The following ZNF684 variants were observed in gnomAD, a reference collection of about 807,000 sequenced individuals.
ZNF684 encodes the protein zinc finger protein 684.
A neutral mutation model predicts 12.8 loss-of-function variants in ZNF684; 13 were observed. That is an observed-to-expected ratio of 1.02 (90% confidence interval 0.66 to 1.62). ZNF684 has a LOEUF of 1.62. Among genes scored for constraint, ZNF684 ranks in the 40% most tolerant of loss-of-function variants. The pLI, the probability that ZNF684 is intolerant of heterozygous loss-of-function variation, is 0.00. For synonymous variants in ZNF684, 118 were observed against 151.8 expected, an observed-to-expected ratio of 0.78 and a Z score of 1.64; for missense variants, 384 against 446.9, an observed-to-expected ratio of 0.86 and a Z score of 1.27.
chr1:40,534,644 T>G (rs1468111183), intron 2 of ZNF684, among the ~76,000 whole-genome samples: 2 of 152,130 alleles, frequency 1.3e-5, no homozygotes, highest in Non-Finnish European at 2.9e-5. Context: ...GAGAATGAGG[T>G]AGGCCTTTTT....
rs1447317978 is a variant in ZNF684 at position 40,534,263 on chromosome 1, CAG to C, written c.15+1085_15+1086del. ...TTTTTTTTTTTTTTTTTTTTTGAGA[CAG>C]AGTTTCACTCTGTTACCCAGGCTGG... On this transcript the variant is annotated intron_variant, in intron 2 of 4. Coordinates refer to ENST00000372699, the MANE Select transcript of ZNF684 (RefSeq NM_152373.4). Among the ~76,000 whole-genome samples, 97 of 108,668 alleles carry C rather than the reference CAG, an allele frequency of 8.9e-4. 1 individual carries two copies. Among genetic ancestry groups the C allele is most frequent in the Middle Eastern group, 8.6e-3 (1 of 116 alleles). 71.3% of individuals were successfully genotyped at this position (108,668 alleles called of 152,430 possible). A position where few individuals can be genotyped will look rare whatever the true frequency, so the allele number is the denominator to read the frequency against.
intron 2 of ZNF684, among the ~76,000 whole-genome samples, chr1:40,538,126 G>A (rs941100801): frequency 1.3e-5 from 2 of 151,894 alleles, no homozygotes; most frequent in African/African-American, 4.8e-5. Flanking sequence ...CAAGTAGCTG[G>A]GACTACAGGT....
chr1:40,545,894 C>G, intron 4 of ZNF684, among the ~76,000 whole-genome samples: 1 of 150,374 alleles, frequency 6.7e-6, no homozygotes, highest in East Asian at 1.9e-4. Flanking sequence ...TCCCTTAATC[C>G]CTTTGCCTTT....
Position 40,547,464 on chromosome 1 carries a change from T to C in ZNF684, c.*4T>C, listed in dbSNP as rs767635878. The C allele has an allele frequency of 1.3e-6, 2 of 1,589,658 alleles. No homozygotes were observed. Among genetic ancestry groups the C allele is most frequent in the Non-Finnish European group, 1.7e-6 (2 of 1,167,476 alleles). ...ACATCAGAAAATTCATACATAATAT[T>C]CACTTTATGAATATGAGAAGGCCTT... On this transcript the variant is annotated 3_prime_UTR_variant, in exon 5 of 5. Coordinates refer to ENST00000372699, the MANE Select transcript of ZNF684 (RefSeq NM_152373.4).
intron 2 of ZNF684, among the ~76,000 whole-genome samples, chr1:40,537,197 A>AT (rs1645990383): frequency 6.6e-6 from 1 of 152,220 alleles, no homozygotes; most frequent in East Asian, 1.9e-4. Context: ...CTTTTTAATG[A>AT]TTGCCATTCT....
chr1:40,535,773 A>ATC (rs1645980658), intron 2 of ZNF684, among the ~76,000 whole-genome samples: 2 of 152,270 alleles, frequency 1.3e-5, no homozygotes, highest in South Asian at 4.1e-4. Flanking sequence ...GTACTGAACT[A>ATC]TCTATACATT....
Position 40,538,886 on chromosome 1 carries a change from A to G in ZNF684, c.16-1700A>G, listed in dbSNP as rs553698429. Among the ~76,000 whole-genome samples the G allele has an allele frequency of 2.6e-5, 4 of 151,674 alleles. No homozygotes were observed. The East Asian group carries it at 5.9e-4, about 22-fold the overall frequency. ...CTGCTAAACTCTTTTCCATAGTTAC[A>G]TGGAACTGCGTATGGAACTATGGAT... On this transcript the variant is annotated intron_variant, in intron 2 of 4. Coordinates refer to ENST00000372699, the MANE Select transcript of ZNF684 (RefSeq NM_152373.4).
chr1:40,546,361 A>G (rs151307746), intron 4 of ZNF684, among the ~76,000 whole-genome samples: 1 of 152,192 alleles, frequency 6.6e-6, no homozygotes, highest in Non-Finnish European at 1.5e-5. Context: ...TGCCTAATTT[A>G]CTGTCTTTCC....
chr1:40,546,908 C>G lies in ZNF684; in HGVS notation c.585C>G (p.Ala195=), dbSNP rs753070525. 3.0e-5 allele frequency: 49 copies of G among 1,613,928 alleles called. No individual in the cohort carries two copies. In the African/African-American group the frequency reaches 5.5e-4, roughly 18 times the overall value. ...TTGAATGCAATGACTGTGGAAAAGCCTATAGCAGGAAGGCACACCTTGCAA... is the reference window on the plus strand; with the variant it reads ...TTGAATGCAATGACTGTGGAAAAGCGTATAGCAGGAAGGCACACCTTGCAA... ...KPFECNDCGK[A]YSRKAHLATH... Residue 195 remains alanine (A), a synonymous_variant, in exon 5 of 5, where the codon GCC becomes GCG. Coordinates refer to ENST00000372699, the MANE Select transcript of ZNF684 (RefSeq NM_152373.4).
chr1:40,544,313 T>C (rs1377127100), intron 4 of ZNF684: 7 of 345,322 alleles, frequency 2.0e-5, no homozygotes, highest in South Asian at 6.5e-5. Flanking sequence ...TCCCTGGTGG[T>C]TTAGTGGTTA....
chr1:40,534,257 T>G (rs990399048), intron 2 of ZNF684, among the ~76,000 whole-genome samples: 2 of 148,040 alleles, frequency 1.4e-5, no homozygotes, highest in Admixed American at 1.3e-4. Flanking sequence ...TTTTTTTTTT[T>G]TGAGACAGAG....
At chr1:40,536,395 CAAA>C (rs1166958237) in intron 2 of ZNF684, among the ~76,000 whole-genome samples, 1 of 52,034 alleles carries the variant, frequency 1.9e-5, no homozygotes, top group Non-Finnish European at 4.1e-5. Context: ...CTCCGTCTCA[CAAA>C]AAAAAAAAAA....
Position 40,547,154 on chromosome 1 carries a change from G to GA in ZNF684, c.835dup (p.Thr279AsnfsTer5). 1.9e-6 allele frequency: 3 copies of GA among 1,614,192 alleles called. No individual in the cohort carries two copies. The highest frequency in any genetic ancestry group is 2.5e-6 in the Non-Finnish European group (3 of 1,180,038). Reference sequence around the variant, plus strand: ...AGTCATTTGAATGTAAGGAATGTGGGAAAACCTTCAGGTATAGTTCATCCC... The same window carrying GA: ...AGTCATTTGAATGTAAGGAATGTGGGAAAAACCTTCAGGTATAGTTCATCCC... On this transcript the variant is annotated frameshift_variant, in exon 5 of 5. Coordinates refer to ENST00000372699, the MANE Select transcript of ZNF684 (RefSeq NM_152373.4). LOFTEE classifies it low-confidence loss of function (END_TRUNC).
intron 2 of ZNF684, among the ~76,000 whole-genome samples, chr1:40,536,944 T>G (rs952352106): frequency 6.6e-6 from 1 of 151,696 alleles, no homozygotes; most frequent in African/African-American, 2.4e-5. Context: ...TCCAAGTCTT[T>G]GCTATTGTGA....
rs1646056902 is a variant in ZNF684, at chr1:40,547,650, A to G, written c.*190A>G. The G allele has an allele frequency of 4.1e-6, 2 of 486,046 alleles. No individual in the cohort carries two copies. The highest frequency in any genetic ancestry group is 1.9e-5 in the African/African-American group (1 of 51,360). 30.1% of individuals were successfully genotyped at this position (486,046 alleles called of 1,614,324 possible). On this transcript the variant is annotated 3_prime_UTR_variant, in exon 5 of 5. Coordinates refer to ENST00000372699, the MANE Select transcript of ZNF684 (RefSeq NM_152373.4). ...TTTACAGAAAATATGACAGAAAACA[A>G]CTATAAATAATAGAGCATAAAGCTT... is the stretch of plus-strand genomic sequence containing the variant.
chr1:40,533,313 A>G, intron 2 of ZNF684, 132 bp downstream of exon 2: 1 of 909,686 alleles, frequency 1.1e-6, no homozygotes, highest in Non-Finnish European at 1.7e-6. Flanking sequence ...GAAGATTGGT[A>G]AGTTGATATT....
At chr1:40,533,068 G>A in intron 1 of ZNF684, 75 bp from the exon 2 acceptor site, 2 of 1,260,212 alleles carry the variant, frequency 1.6e-6, no homozygotes, top group South Asian at 2.5e-5. Context: ...TGGTCTGATA[G>A]AGCAGGGTTC....
At chr1:40,541,061 A>G (rs558528775) in intron 3 of ZNF684, among the ~76,000 whole-genome samples, 1 of 151,704 alleles carries the variant, frequency 6.6e-6, no homozygotes, top group African/African-American at 2.4e-5. Context: ...ATCGTATGAA[A>G]ACTGTGAGCA....
At position 40,538,949 on chromosome 1, in the gene ZNF684, G is replaced by A. The variant is rs562560801; in HGVS notation, c.16-1637G>A. Among the ~76,000 whole-genome samples, 3 of 152,226 alleles carry A rather than the reference G, an allele frequency of 2.0e-5. No homozygotes were observed. The South Asian group carries it at 6.2e-4, about 32-fold the overall frequency. On this transcript the variant is annotated intron_variant, in intron 2 of 4. Coordinates refer to ENST00000372699, the MANE Select transcript of ZNF684 (RefSeq NM_152373.4). ...ATGCCTGTAATCCCAGCCTTTGGGA[G>A]GCTGAAGCAGGAAGATCACTTGAAG... is the stretch of plus-strand genomic sequence containing the variant.
Sources: gnomAD v4.1 joint callset for allele counts (sites outside exome capture counted in the v4.1 genomes callset) on GRCh38, gnomAD v4.1.1 for gene constraint, MANE v1.5 for transcripts, NCBI Gene and HGNC (gene_info 2026-07-23, HGNC 2026-07-21) for gene names.